The following LOC400499 variants were observed in gnomAD, a reference collection of about 807,000 sequenced individuals.
At chr16:11,405,903 T>A in the LOC400499 span, among the ~76,000 whole-genome samples, 5 of 152,256 alleles carry the variant, frequency 3.3e-5, no homozygotes, top group Admixed American at 3.3e-4. Context: ...CCTCCTACCA[T>A]TCCCCACCCA....
the LOC400499 span, chr16:11,372,376 T>C: frequency 6.6e-6 from 1 of 152,252 alleles, no homozygotes; most frequent in African/African-American, 2.4e-5. Context: ...GCTTCCCAAA[T>C]GGCTGTTGAA....
the LOC400499 span, among the ~76,000 whole-genome samples, chr16:11,433,828 G>T: frequency 6.6e-6 from 1 of 152,228 alleles, no homozygotes. Flanking sequence ...AGAGAGGGCG[G>T]GGAAGCCCAG....
the LOC400499 span, among the ~76,000 whole-genome samples, chr16:11,416,439 C>T: frequency 6.6e-6 from 1 of 152,172 alleles, no homozygotes; most frequent in African/African-American, 2.4e-5. Flanking sequence ...CTCTCTGAGC[C>T]TCCATTCCTC....
the LOC400499 span, among the ~76,000 whole-genome samples, chr16:11,505,124 C>T: frequency 6.7e-6 from 1 of 149,620 alleles, no homozygotes; most frequent in African/African-American, 2.5e-5. Context: ...ACACTCTTAA[C>T]AAGCATCCTA....
chr16:11,487,790 C>T, the LOC400499 span, among the ~76,000 whole-genome samples: 1 of 152,194 alleles, frequency 6.6e-6, no homozygotes, highest in Non-Finnish European at 1.5e-5. Context: ...TCACAGCCCT[C>T]AGCAAGCCAC....
chr16:11,372,593 C>T, the LOC400499 span: 398 of 255,430 alleles, frequency 1.6e-3, no homozygotes, highest in African/African-American at 8.6e-3. Flanking sequence ...GTTTGCAGCA[C>T]GTGCGGTTCT....
At chr16:11,527,161 C>A in the LOC400499 span, among the ~76,000 whole-genome samples, 1 of 152,194 alleles carries the variant, frequency 6.6e-6, no homozygotes, top group East Asian at 1.9e-4. Context: ...CGAGGAGTCC[C>A]ACGGGGGCCG....
At chr16:11,417,588 G>C in the LOC400499 span, 7 of 396,998 alleles carry the variant, frequency 1.8e-5, no homozygotes, top group South Asian at 2.6e-4. Context: ...CAGGCATGGA[G>C]GAAGCCAGCT....
chr16:11,485,078 G>A, the LOC400499 span: 1 of 398,872 alleles, frequency 2.5e-6, no homozygotes, highest in Non-Finnish European at 4.4e-6. Context: ...CCCAAGCTGG[G>A]AAGGGAAGCC....
At chr16:11,469,784 G>A in the LOC400499 span, 1 of 396,726 alleles carries the variant, frequency 2.5e-6, no homozygotes, top group Non-Finnish European at 4.4e-6. Flanking sequence ...ACTGCCTGCA[G>A]AATTGTAAAG....
chr16:11,438,832 T>C, the LOC400499 span, among the ~76,000 whole-genome samples: 1 of 152,096 alleles, frequency 6.6e-6, no homozygotes, highest in Admixed American at 6.6e-5. Context: ...CGGTGGCTCA[T>C]GCCTGTAATC....
the LOC400499 span, among the ~76,000 whole-genome samples, chr16:11,429,119 G>T: frequency 1.3e-5 from 2 of 152,184 alleles, no homozygotes; most frequent in Non-Finnish European, 2.9e-5. Context: ...CAACCCTCAT[G>T]TTGAATTGTA....
chr16:11,385,044 A>G, the LOC400499 span: 36 of 1,231,990 alleles, frequency 2.9e-5, no homozygotes, highest in Non-Finnish European at 3.3e-5. Flanking sequence ...CCCGGCAGGG[A>G]GGAGTTGTAC....
At chr16:11,515,471 ATACG>A in the LOC400499 span, among the ~76,000 whole-genome samples, 2 of 145,118 alleles carry the variant, frequency 1.4e-5, no homozygotes, top group Non-Finnish European at 2.9e-5. Flanking sequence ...AAATACATAC[ATACG>A]TACGTACATA....
At chr16:11,408,331 A>T in the LOC400499 span, among the ~76,000 whole-genome samples, 13 of 152,116 alleles carry the variant, frequency 8.5e-5, no homozygotes, top group Non-Finnish European at 1.3e-4. Flanking sequence ...TTCGTTAGTG[A>T]TACCCCTTGT....
chr16:11,376,673 A>G, the LOC400499 span, among the ~76,000 whole-genome samples: 97,781 of 152,014 alleles, frequency 0.64, 32,200 homozygotes, highest in African/African-American at 0.72. Context: ...GGCCATTTGG[A>G]GTCCCTTGAA....
chr16:11,495,177 G>A, the LOC400499 span, among the ~76,000 whole-genome samples: 1 of 150,630 alleles, frequency 6.6e-6, no homozygotes, highest in Non-Finnish European at 1.5e-5. Context: ...CCACTGCACT[G>A]CACCCTGGGT....
At chr16:11,489,917 T>C in the LOC400499 span, among the ~76,000 whole-genome samples, 7 of 152,226 alleles carry the variant, frequency 4.6e-5, no homozygotes, top group African/African-American at 1.7e-4. Flanking sequence ...AAGGTAGCTG[T>C]GCAGGTAGGT....
chr16:11,384,851 T>A, the LOC400499 span: 1 of 1,231,910 alleles, frequency 8.1e-7, no homozygotes, highest in Admixed American at 4.2e-5. Flanking sequence ...AAGAGTCCGC[T>A]GTAGGTGGGG....
Sources: gnomAD v4.1 joint callset for allele counts (sites outside exome capture counted in the v4.1 genomes callset) on GRCh38, gnomAD v4.1.1 for gene constraint, MANE v1.5 for transcripts.